The following SNAP29 variants were observed in gnomAD, a reference collection of about 807,000 sequenced individuals.
SNAP29 encodes synaptosomal-associated protein 29.
A neutral mutation model predicts 27.9 loss-of-function variants in SNAP29; 13 were observed. The ratio of observed to expected loss-of-function variants is 0.47; its 90% confidence interval spans 0.30 to 0.74. The LOEUF is 0.74. Ranked by LOEUF, SNAP29 falls within the 30% of genes least tolerant of loss-of-function variation. The pLI is 0.06. For missense variants in SNAP29, 368 were observed against 336.5 expected (o/e 1.09, Z -0.73); for synonymous variants, 119 against 127.1 (o/e 0.94, Z 0.43).
In SNAP29 at chr22:20,890,067, G is replaced by A. The variant is rs926683465; in HGVS notation, c.*2231G>A. 5 of 392,126 alleles carry A rather than the reference G, an allele frequency of 1.3e-5. No individual in the cohort carries two copies. Among genetic ancestry groups the A allele is most frequent in the African/African-American group, 4.1e-5 (2 of 48,416 alleles). 24.3% of individuals were successfully genotyped at this position (392,126 alleles called of 1,614,324 possible). A position where few individuals can be genotyped will look rare whatever the true frequency, so the allele number is the denominator to read the frequency against. On this transcript the variant is annotated 3_prime_UTR_variant, in exon 5 of 5. Transcript: ENST00000215730. ...GTCCTGTTCTTGTTCAGACCCTCTC[G>A]TTCTACGTCCTGTGCTGAGGGGACT...
intron 2 of SNAP29, among the ~76,000 whole-genome samples, chr22:20,872,729 T>A (rs1928624044): frequency 6.7e-6 from 1 of 149,702 alleles, no homozygotes; most frequent in Non-Finnish European, 1.5e-5. Context: ...AGAGATGGGG[T>A]TTCACCATGT....
rs1260639622 is a variant in SNAP29 at position 20,890,298 on chromosome 22, A to G, written c.*2462A>G. 2.5e-6 allele frequency: 1 copy of G among 398,454 alleles called. No individual in the cohort carries two copies. The highest frequency in any genetic ancestry group is 3.6e-5 in the East Asian group (1 of 28,086). 24.7% of individuals were successfully genotyped at this position (398,454 alleles called of 1,614,324 possible). Reference sequence around the variant, plus strand: ...AAATGCTACCCTCTAGACTAGACACATTTCATGGAGACAAGCAAAATGGTG... The same window carrying G: ...AAATGCTACCCTCTAGACTAGACACGTTTCATGGAGACAAGCAAAATGGTG... On this transcript the variant is annotated 3_prime_UTR_variant, in exon 5 of 5. Coordinates refer to ENST00000215730, the MANE Select transcript of SNAP29 (RefSeq NM_004782.4).
intron 3 of SNAP29, among the ~76,000 whole-genome samples, chr22:20,881,345 T>TCTCC (rs1366254350): frequency 1.3e-5 from 2 of 152,190 alleles, no homozygotes; most frequent in African/African-American, 4.8e-5. Context: ...CTCCTCCTTC[T>TCTCC]CTCCCTCCCT....
In SNAP29 at chr22:20,859,025, G is replaced by C. The variant is rs942811742; in HGVS notation, c.-86G>C. ...GGAAGGAGTTCGCGCGACGACCGCGGGGTCGGCGGGCGGGGCGAGGCCCTG... is the reference window on the plus strand; with the variant it reads ...GGAAGGAGTTCGCGCGACGACCGCGCGGTCGGCGGGCGGGGCGAGGCCCTG... On this transcript the variant is annotated 5_prime_UTR_variant, in exon 1 of 5. Coordinates refer to ENST00000215730, the MANE Select transcript of SNAP29 (RefSeq NM_004782.4). 3.6e-6 allele frequency: 5 copies of C among 1,386,822 alleles called. No homozygotes were observed. The highest frequency in any genetic ancestry group is 2.0e-4 in the Middle Eastern group (1 of 5,106). 85.9% of individuals were successfully genotyped at this position (1,386,822 alleles called of 1,614,324 possible). A position where few individuals can be genotyped will look rare whatever the true frequency, so the allele number is the denominator to read the frequency against.
intron 1 of SNAP29, among the ~76,000 whole-genome samples, chr22:20,867,387 G>A (rs1009591742): frequency 2.4e-4 from 37 of 152,206 alleles, no homozygotes; most frequent in African/African-American, 8.4e-4. Context: ...CTGTCTTGGT[G>A]GTGGCTGGGG....
Position 20,881,210 on chromosome 22 carries a change from G to A in SNAP29, c.520+76G>A, listed in dbSNP as rs556850511. Reference sequence around the variant, plus strand: ...TCTAGGTTTGGCGTTGGTCCTTGGGGGGCAGTGGCAACCTCTCTGGGGAGG... The same window carrying A: ...TCTAGGTTTGGCGTTGGTCCTTGGGAGGCAGTGGCAACCTCTCTGGGGAGG... On this transcript the variant is annotated intron_variant, in intron 3 of 4. Coordinates refer to ENST00000215730, the MANE Select transcript of SNAP29 (RefSeq NM_004782.4). 358 of 1,038,722 alleles carry A rather than the reference G, an allele frequency of 3.4e-4. 1 individual carries two copies. Among genetic ancestry groups the A allele is most frequent in the Middle Eastern group, 8.1e-4 (4 of 4,940 alleles). The allele number at this position is 1,038,722 out of a possible 1,614,324, so 64.3% of individuals were successfully genotyped here. A position where few individuals can be genotyped will look rare whatever the true frequency, so the allele number is the denominator to read the frequency against.
At chr22:20,882,867 G>A (rs752273898) in intron 3 of SNAP29, among the ~76,000 whole-genome samples, 10 of 152,250 alleles carry the variant, frequency 6.6e-5, no homozygotes, top group Non-Finnish European at 8.8e-5. Context: ...GAGATAAACC[G>A]GGATGACAGG....
Position 20,870,430 on chromosome 22 carries a change from A to G in SNAP29, c.331A>G (p.Ser111Gly), listed in dbSNP as rs932782925. 1 of 1,614,198 alleles carries G rather than the reference A, an allele frequency of 6.2e-7. No individual in the cohort carries two copies. Among genetic ancestry groups the G allele is most frequent in the African/African-American group, 1.3e-5 (1 of 75,040 alleles). ...DLKISQKHIN[S>G]IKSVFGGLVN... ...GAAGATCAGCCAGAAACACATCAAT[A>G]GCATTAAGAGCGTGTTTGGGGGGCT... The change falls in exon 2 of 5, where the codon AGC becomes GGC. Residue 111 changes from serine (S) to glycine (G), a missense_variant. Transcript: ENST00000215730.
At position 20,888,293 on chromosome 22, in the gene SNAP29, T is replaced by C. The variant is rs1929067842; in HGVS notation, c.*457T>C. 3.7e-6 allele frequency: 1 copy of C among 272,068 alleles called. No individual in the cohort carries two copies. Among genetic ancestry groups the C allele is most frequent in the Non-Finnish European group, 6.9e-6 (1 of 145,298 alleles). 16.9% of individuals were successfully genotyped at this position (272,068 alleles called of 1,614,324 possible). A position where few individuals can be genotyped will look rare whatever the true frequency, so the allele number is the denominator to read the frequency against. On this transcript the variant is annotated 3_prime_UTR_variant, in exon 5 of 5. Coordinates refer to ENST00000215730, the MANE Select transcript of SNAP29 (RefSeq NM_004782.4). ...GTGGAGGAGGGTCCTTCCCACACCTTTGTTTAGGAGTCATCATTCACACAC... is the reference window on the plus strand; with the variant it reads ...GTGGAGGAGGGTCCTTCCCACACCTCTGTTTAGGAGTCATCATTCACACAC...
chr22:20,859,043 A>G lies in SNAP29; in HGVS notation c.-68A>G, dbSNP rs117593372. ...GACCGCGGGGTCGGCGGGCGGGGCGAGGCCCTGGACGGCGGCGGCAGTGGG... is the reference window on the plus strand; with the variant it reads ...GACCGCGGGGTCGGCGGGCGGGGCGGGGCCCTGGACGGCGGCGGCAGTGGG... On this transcript the variant is annotated 5_prime_UTR_variant, in exon 1 of 5. Coordinates refer to ENST00000215730, the MANE Select transcript of SNAP29 (RefSeq NM_004782.4). 30 of 1,430,300 alleles carry G rather than the reference A, an allele frequency of 2.1e-5. No individual in the cohort carries two copies. Among genetic ancestry groups the G allele is most frequent in the Middle Eastern group, 1.9e-4 (1 of 5,194 alleles). 88.6% of individuals were successfully genotyped at this position (1,430,300 alleles called of 1,614,324 possible).
chr22:20,880,134 C>G (rs1023570216), intron 2 of SNAP29, among the ~76,000 whole-genome samples: 7 of 152,170 alleles, frequency 4.6e-5, no homozygotes, highest in Non-Finnish European at 8.8e-5. Context: ...ATGGTCATCT[C>G]TAAGGCCATT....
chr22:20,880,562 G>C (rs886343502), intron 2 of SNAP29, among the ~76,000 whole-genome samples: 2 of 152,008 alleles, frequency 1.3e-5, no homozygotes, highest in South Asian at 2.1e-4. Flanking sequence ...AGCCAGATGT[G>C]ATCAGCAGGT....
In SNAP29 at chr22:20,889,232, T is replaced by C. The variant is rs960844592; in HGVS notation, c.*1396T>C. On this transcript the variant is annotated 3_prime_UTR_variant, in exon 5 of 5. Transcript: ENST00000215730. ...GTACTTCCCTTTACAGTCTGCAGCC[T>C]ATAAACAGTGGTGTCTCAAAGCAAA... 2 of 152,248 alleles carry C rather than the reference T, an allele frequency of 1.3e-5. No individual in the cohort carries two copies. The highest frequency in any genetic ancestry group is 4.8e-5 in the African/African-American group (2 of 41,468). 9.4% of individuals were successfully genotyped at this position (152,248 alleles called of 1,614,324 possible).
rs771046509 is a variant in SNAP29 at position 20,859,265 on chromosome 22, G to A, written c.155G>A (p.Arg52Lys). The change falls in exon 1 of 5, where the codon AGG becomes AAG. Residue 52 changes from arginine to lysine, a missense_variant. Coordinates refer to ENST00000215730, the MANE Select transcript of SNAP29 (RefSeq NM_004782.4). ...TACTTGCGGCAGGAGGTCCTCCGCA[G>A]GGCTGAGGCCACGGCCGCCAGCACC... ...QQYLRQEVLRRAEATAASTSR... is the reference protein window; with the variant it reads ...QQYLRQEVLRKAEATAASTSR... The A allele has an allele frequency of 3.1e-6, 5 of 1,608,066 alleles. No homozygotes were observed. Among genetic ancestry groups the A allele is most frequent in the Non-Finnish European group, 2.5e-6 (3 of 1,178,474 alleles).
At chr22:20,860,953 C>G (rs1034224344) in intron 1 of SNAP29, among the ~76,000 whole-genome samples, 2 of 152,094 alleles carry the variant, frequency 1.3e-5, no homozygotes, top group African/African-American at 4.8e-5. Context: ...AGGAGGACCG[C>G]TTGAGCCCAG....
rs144190037 is a variant in SNAP29 at position 20,861,032 on chromosome 22, A to G, written c.237+1685A>G. On this transcript the variant is annotated intron_variant, in intron 1 of 4. Coordinates refer to ENST00000215730, the MANE Select transcript of SNAP29 (RefSeq NM_004782.4). The stretch of plus-strand genomic sequence containing the variant: ...AGCTTGGGCGACAGAGCAACACGCT[A>G]TCATTTCCCCTTGCTGTTTTCTTGG... 2.8e-3 allele frequency among the ~76,000 whole-genome samples: 419 copies of G among 151,728 alleles called. 1 individual carries two copies. The highest frequency in any genetic ancestry group is 9.0e-3 in the African/African-American group (374 of 41,338).
At chr22:20,877,892 G>T (rs1928787199) in intron 2 of SNAP29, among the ~76,000 whole-genome samples, 1 of 152,224 alleles carries the variant, frequency 6.6e-6, no homozygotes, top group South Asian at 2.1e-4. Flanking sequence ...GAAGCCAAGT[G>T]TCTCTTCCTA....
chr22:20,886,498 G>A (rs1022719151), intron 4 of SNAP29, among the ~76,000 whole-genome samples: 5 of 151,274 alleles, frequency 3.3e-5, no homozygotes, highest in African/African-American at 1.2e-4. Flanking sequence ...TAGTAGAGAC[G>A]GGGTTTCACC....
In SNAP29 at chr22:20,889,979, G is replaced by A. The variant is rs370242754; in HGVS notation, c.*2143G>A. 22 of 314,796 alleles carry A rather than the reference G, an allele frequency of 7.0e-5. No homozygotes were observed. In the South Asian group the frequency reaches 2.7e-3, roughly 39 times the overall value. The allele number at this position is 314,796 out of a possible 1,614,324, so 19.5% of individuals were successfully genotyped here. ...TTTTCTTAACCCCAGGTATATGGAA[G>A]GGGAGTTGCCTTCACTTTTCTGGAA... On this transcript the variant is annotated 3_prime_UTR_variant, in exon 5 of 5. Coordinates refer to ENST00000215730, the MANE Select transcript of SNAP29 (RefSeq NM_004782.4).
Sources: gnomAD v4.1 joint callset for allele counts (sites outside exome capture counted in the v4.1 genomes callset) on GRCh38, gnomAD v4.1.1 for gene constraint, MANE v1.5 for transcripts, NCBI Gene and HGNC (gene_info 2026-07-23, HGNC 2026-07-21) for gene names.